PDZRN4: variants seen among roughly 807,000 people sequenced by gnomAD.
PDZRN4 encodes the protein PDZ domain containing ring finger 4, also known as PDZ domain-containing RING finger protein 4.
PDZRN4 carries 70 observed loss-of-function variants against 99.0 expected under a neutral mutation model. The ratio of observed to expected loss-of-function variants is 0.71; its 90% CI spans 0.58 to 0.86. PDZRN4 has a LOEUF of 0.86. Ranked by LOEUF, PDZRN4 falls within the 40% of genes least tolerant of loss-of-function variation. The probability of loss-of-function intolerance (pLI) is 0.00; values close to 1 mark genes in which losing one functional copy is unlikely to be tolerated. For missense variants in PDZRN4, 1,474 were observed against 1,331.2 expected (o/e 1.11, Z -1.67); for synonymous variants, 551 against 501.6 (o/e 1.10, Z -1.32).
chr12:41,474,108 G>A (rs995444808), intron 3 of PDZRN4, among the ~76,000 whole-genome samples: 4 of 152,198 alleles, frequency 2.6e-5, no homozygotes, highest in Admixed American at 6.5e-5. Context: ...ATTAAATGCA[G>A]TGGGGGATAA....
At chr12:41,260,351 A>T (rs1309952613) in intron 3 of PDZRN4, among the ~76,000 whole-genome samples, 1 of 152,128 alleles carries the variant, frequency 6.6e-6, no homozygotes, top group African/African-American at 2.4e-5. Flanking sequence ...AACAAAGGGT[A>T]TGAGAAGTGC....
At chr12:41,305,653 C>T (rs1482274774) in intron 3 of PDZRN4, among the ~76,000 whole-genome samples, 1 of 152,096 alleles carries the variant, frequency 6.6e-6, no homozygotes, top group East Asian at 1.9e-4. Flanking sequence ...AACCTAATTA[C>T]CTCCAAAAAG....
chr12:41,294,089 A>AGTTT (rs945200013), intron 3 of PDZRN4, among the ~76,000 whole-genome samples: 1 of 151,916 alleles, frequency 6.6e-6, no homozygotes, highest in African/African-American at 2.4e-5. Context: ...TTTCCTCTAT[A>AGTTT]GTTTGTTTGT....
intron 9 of PDZRN4, among the ~76,000 whole-genome samples, chr12:41,568,764 G>T (rs1939423859): frequency 6.6e-6 from 1 of 151,634 alleles, no homozygotes; most frequent in African/African-American, 2.4e-5. Flanking sequence ...TCAGTTTACT[G>T]ATTTGTTTAA....
chr12:41,438,084 T>C, intron 3 of PDZRN4: 1 of 1,527,816 alleles, frequency 6.5e-7, no homozygotes, highest in Non-Finnish European at 9.1e-7. Flanking sequence ...GTAAATGAAT[T>C]CTGGCTAGCT....
At chr12:41,518,468 T>C (rs1938440379) in intron 5 of PDZRN4, among the ~76,000 whole-genome samples, 2 of 152,054 alleles carry the variant, frequency 1.3e-5, no homozygotes, top group South Asian at 4.1e-4. Flanking sequence ...GAGCTATAAT[T>C]AACTGCTTTA....
intron 3 of PDZRN4, among the ~76,000 whole-genome samples, chr12:41,331,053 A>C (rs546778126): frequency 1.3e-5 from 2 of 152,164 alleles, no homozygotes; most frequent in Non-Finnish European, 2.9e-5. Flanking sequence ...AAATCTGAAT[A>C]GACTTTGGGG....
intron 5 of PDZRN4, among the ~76,000 whole-genome samples, chr12:41,514,250 C>T (rs1349320206): frequency 6.6e-6 from 1 of 152,006 alleles, no homozygotes; most frequent in Admixed American, 6.6e-5. Context: ...TCTTGGCAGT[C>T]CTTATGCAAG....
rs773913165 is a variant in PDZRN4, at chr12:41,573,755, C to A, written c.2976C>A (p.His992Gln). 2 of 1,613,528 alleles carry A rather than the reference C, an allele frequency of 1.2e-6. No homozygotes were observed. Among genetic ancestry groups the A allele is most frequent in the South Asian group, 2.2e-5 (2 of 91,052 alleles). Residue 992 changes from histidine (H) to glutamine (Q), a missense_variant, in exon 10 of 10, where the codon CAC becomes CAA. By Grantham distance (24) the His-to-Gln change is conservative. Coordinates refer to ENST00000402685, the MANE Select transcript of PDZRN4 (RefSeq NM_001164595.2). ...KKEINIIELS[H>Q]KKMMKKRNKK... is the part of the protein sequence containing the mutation. Reference sequence around the variant, plus strand: ...AGATCAATATCATTGAACTGAGTCACAAAAAGATGATGAAAAAGAGAAACA... The same window carrying A: ...AGATCAATATCATTGAACTGAGTCAAAAAAAGATGATGAAAAAGAGAAACA...
chr12:41,433,166 C>G (rs1343423211), intron 3 of PDZRN4, among the ~76,000 whole-genome samples: 1 of 152,174 alleles, frequency 6.6e-6, no homozygotes, highest in African/African-American at 2.4e-5. Flanking sequence ...TAAGCTACAT[C>G]TGTCTTTGAA....
chr12:41,211,517 C>T (rs530130402), intron 3 of PDZRN4, among the ~76,000 whole-genome samples: 2 of 151,906 alleles, frequency 1.3e-5, no homozygotes, highest in South Asian at 2.1e-4. Context: ...CTCTGAGGTG[C>T]TCATGTATTA....
At chr12:41,280,368 G>A (rs148674476) in intron 3 of PDZRN4, among the ~76,000 whole-genome samples, 2,196 of 152,100 alleles carry the variant, frequency 0.014, 22 homozygotes, top group Middle Eastern at 0.034. Flanking sequence ...AGACAGACCC[G>A]TTTACTCCCC....
chr12:41,465,647 C>T (rs1006411065), intron 3 of PDZRN4, among the ~76,000 whole-genome samples: 1 of 152,136 alleles, frequency 6.6e-6, no homozygotes, highest in African/African-American at 2.4e-5. Flanking sequence ...TTCCCCTTTC[C>T]TTCTCCCCAC....
At position 41,552,617 on chromosome 12, in the gene PDZRN4, C is replaced by T. The variant is rs1352380728; in HGVS notation, c.1204-39C>T. The T allele has an allele frequency of 2.7e-6, 4 of 1,483,614 alleles. No homozygotes were observed. In the East Asian group the frequency reaches 9.1e-5, roughly 34 times the overall value. 91.9% of individuals were successfully genotyped at this position (1,483,614 alleles called of 1,614,324 possible). ...TTCTCCATTCTGTTGCAGATTTTCT[C>T]TCTGACATAAATGTCATCTGTGTGT... On this transcript the variant is annotated intron_variant, in intron 5 of 9. Coordinates refer to ENST00000402685, the MANE Select transcript of PDZRN4 (RefSeq NM_001164595.2).
intron 4 of PDZRN4, among the ~76,000 whole-genome samples, chr12:41,507,473 A>G (rs1212254251): frequency 6.6e-6 from 1 of 152,048 alleles, no homozygotes; most frequent in African/African-American, 2.4e-5. Context: ...CATTTTCATC[A>G]CCTACTCCAA....
At chr12:41,477,125 T>C (rs1937611546) in intron 3 of PDZRN4, among the ~76,000 whole-genome samples, 1 of 152,202 alleles carries the variant, frequency 6.6e-6, no homozygotes, top group Non-Finnish European at 1.5e-5. Flanking sequence ...CCCATTAAGA[T>C]ATATTGTCTA....
intron 3 of PDZRN4, among the ~76,000 whole-genome samples, chr12:41,384,565 C>T (rs974053191): frequency 7.9e-5 from 12 of 152,132 alleles, no homozygotes; most frequent in African/African-American, 1.7e-4. Flanking sequence ...AGATGTCCTC[C>T]GCTCTTGGAA....
At chr12:41,331,978 A>G (rs945735699) in intron 3 of PDZRN4, among the ~76,000 whole-genome samples, 2 of 152,160 alleles carry the variant, frequency 1.3e-5, no homozygotes, top group Admixed American at 6.6e-5. Context: ...ATGAACAAAA[A>G]TAATGTTTGA....
At chr12:41,225,953 A>AT (rs60281069) in intron 3 of PDZRN4, among the ~76,000 whole-genome samples, 11 of 151,316 alleles carry the variant, frequency 7.3e-5, no homozygotes, top group South Asian at 6.3e-4. Flanking sequence ...CTCCACTTGA[A>AT]TTTTTTTTTC....
Sources: gnomAD v4.1 joint callset for allele counts (sites outside exome capture counted in the v4.1 genomes callset) on GRCh38, gnomAD v4.1.1 for gene constraint, MANE v1.5 for transcripts, NCBI Gene and HGNC (gene_info 2026-07-23, HGNC 2026-07-21) for gene names.